PRDM16: variants seen among roughly 807,000 people sequenced by gnomAD.
The protein encoded by PRDM16 is PR/SET domain 16.
In PRDM16, 23 loss-of-function variants were observed where a neutral mutation model predicts 110.6. That is an observed-to-expected ratio of 0.21 (90% CI 0.15 to 0.29). The LOEUF (loss-of-function observed/expected upper bound fraction) is 0.29. Ranked by LOEUF, PRDM16 falls within the 10% of genes least tolerant of loss-of-function variation. PRDM16 has a pLI of 1.00. For synonymous variants in PRDM16, 799 were observed against 781.8 expected (o/e 1.02, Z -0.37); for missense variants, 1,615 against 1,794.3 (o/e 0.90, Z 1.81).
At chr1:3,367,219 A>C (rs914610916) in intron 3 of PRDM16, among the ~76,000 whole-genome samples, 1 of 152,104 alleles carries the variant, frequency 6.6e-6, no homozygotes, top group African/African-American at 2.4e-5. Flanking sequence ...CAGCGAGCCG[A>C]GATGGCACCA....
At chr1:3,180,982 GCAGTCTTACACA>G in intron 1 of PRDM16, among the ~76,000 whole-genome samples, 1 of 142,008 alleles carries the variant, frequency 7.0e-6, no homozygotes, top group Non-Finnish European at 1.6e-5. Context: ...TCTTACACAC[GCAGTCTTACACA>G]CGATCTTACA....
chr1:3,427,711 TCATC>T (rs1459878900), intron 14 of PRDM16, among the ~76,000 whole-genome samples: 5 of 152,098 alleles, frequency 3.3e-5, no homozygotes, highest in Non-Finnish European at 5.9e-5. Flanking sequence ...CTCAGCATCT[TCATC>T]CATCAGAGCC....
At chr1:3,222,833 A>G (rs1368218885) in intron 2 of PRDM16, among the ~76,000 whole-genome samples, 2 of 152,168 alleles carry the variant, frequency 1.3e-5, no homozygotes, top group Non-Finnish European at 2.9e-5. Flanking sequence ...GTGGTTTCCA[A>G]AGCTGAAGCC....
chr1:3,232,265 C>T (rs1024177992), intron 2 of PRDM16, among the ~76,000 whole-genome samples: 10 of 152,290 alleles, frequency 6.6e-5, no homozygotes, highest in South Asian at 6.2e-4. Flanking sequence ...CGGATAATGC[C>T]GGGTGGAGCT....
At chr1:3,374,441 A>G (rs1642958248) in intron 3 of PRDM16, among the ~76,000 whole-genome samples, 1 of 152,172 alleles carries the variant, frequency 6.6e-6, no homozygotes, top group Non-Finnish European at 1.5e-5. Context: ...TACTCCCAAC[A>G]CGTATGGCAG....
At chr1:3,219,988 G>C (rs1343671312) in intron 2 of PRDM16, among the ~76,000 whole-genome samples, 1 of 152,150 alleles carries the variant, frequency 6.6e-6, no homozygotes, top group South Asian at 2.1e-4. Flanking sequence ...GATGTTTGGC[G>C]CTGAGGTAAT....
In PRDM16 at chr1:3,425,551, T is replaced by C; in HGVS notation, c.2940-30T>C. On this transcript the variant is annotated intron_variant, in intron 12 of 16. Transcript: ENST00000270722. The surrounding 1 kb of genome is among the most constrained non-coding windows in gnomAD (Gnocchi z 6.9). The stretch of plus-strand genomic sequence containing the variant: ...CGGCCTGCCATGCAGAGCCGGGGCC[T>C]GCACTGAGGAGCGCGTGTGCCCCTT... The C allele has an allele frequency of 1.2e-6, 2 of 1,609,368 alleles. No individual in the cohort carries two copies. Among genetic ancestry groups the C allele is most frequent in the Non-Finnish European group, 1.7e-6 (2 of 1,177,400 alleles).
At chr1:3,164,850 C>T (rs1643932983) in intron 1 of PRDM16, among the ~76,000 whole-genome samples, 1 of 152,218 alleles carries the variant, frequency 6.6e-6, no homozygotes, top group South Asian at 2.1e-4. Context: ...CCGTTCTCTG[C>T]TGGCCCCAGC....
chr1:3,330,838 G>A (rs75698259), intron 3 of PRDM16, among the ~76,000 whole-genome samples: 2 of 152,212 alleles, frequency 1.3e-5, no homozygotes, highest in Middle Eastern at 3.2e-3. Context: ...ATACAGGCCC[G>A]AGCTGCCCTC....
chr1:3,299,135 G>A (rs1363802316), intron 3 of PRDM16, among the ~76,000 whole-genome samples: 1 of 151,784 alleles, frequency 6.6e-6, no homozygotes, highest in Non-Finnish European at 1.5e-5. Flanking sequence ...TCCGATCCCA[G>A]TCGTGGTGGC....
chr1:3,105,593 A>G (rs192645914), intron 1 of PRDM16, among the ~76,000 whole-genome samples: 1 of 152,344 alleles, frequency 6.6e-6, no homozygotes, highest in Non-Finnish European at 1.5e-5. Context: ...CGCTGTCCCC[A>G]ATCCCTTCCT....
intron 3 of PRDM16, among the ~76,000 whole-genome samples, chr1:3,342,505 G>A (rs1036298158): frequency 6.6e-6 from 1 of 152,186 alleles, no homozygotes; most frequent in Non-Finnish European, 1.5e-5. Flanking sequence ...TGGCCTCAGA[G>A]CCCCCATGCC....
rs1000226580 is a variant in PRDM16 at position 3,384,770 on chromosome 1, A to G, written c.439-382A>G. Reference sequence around the variant, plus strand: ...ACGCTTTTCTCTAGCGCAGCGTCCCAGCTCCTTAGCAGAGGGCTCTGCTCC... The same window carrying G: ...ACGCTTTTCTCTAGCGCAGCGTCCCGGCTCCTTAGCAGAGGGCTCTGCTCC... On this transcript the variant is annotated intron_variant, in intron 3 of 16. Transcript: ENST00000270722. 1.2e-4 allele frequency among the ~76,000 whole-genome samples: 18 copies of G among 152,306 alleles called. 1 individual carries two copies. The highest frequency in any genetic ancestry group is 1.0e-3 in the Admixed American group (16 of 15,306).
intron 3 of PRDM16, among the ~76,000 whole-genome samples, chr1:3,296,038 C>T (rs1032234831): frequency 6.6e-6 from 1 of 152,216 alleles, no homozygotes; most frequent in African/African-American, 2.4e-5. Context: ...CACTCCCATC[C>T]TAAGCTGGGG....
chr1:3,182,683 G>A lies in PRDM16; in HGVS notation c.38-3442G>A, dbSNP rs370737959. Among the ~76,000 whole-genome samples the A allele has an allele frequency of 4.2e-3, 640 of 152,292 alleles. 6 individuals carry two copies. Among genetic ancestry groups the A allele is most frequent in the African/African-American group, 0.015 (623 of 41,570 alleles). On this transcript the variant is annotated intron_variant, in intron 1 of 16. Coordinates refer to ENST00000270722, the MANE Select transcript of PRDM16 (RefSeq NM_022114.4). ...CCCAGCCAGCTCGGTCTCTGTCCCAGCCCGGGGCAGCAGCAGGGTTTCTTC... is the reference window on the plus strand; with the variant it reads ...CCCAGCCAGCTCGGTCTCTGTCCCAACCCGGGGCAGCAGCAGGGTTTCTTC...
At chr1:3,138,129 C>A (rs1442900639) in intron 1 of PRDM16, among the ~76,000 whole-genome samples, 1 of 152,200 alleles carries the variant, frequency 6.6e-6, no homozygotes, top group Non-Finnish European at 1.5e-5. Context: ...GCAGGGGGAC[C>A]CCAGCCCTCT....
At chr1:3,282,085 C>T (rs971565062) in intron 3 of PRDM16, among the ~76,000 whole-genome samples, 1 of 152,232 alleles carries the variant, frequency 6.6e-6, no homozygotes, top group African/African-American at 2.4e-5. Flanking sequence ...AGGTATGGGA[C>T]GCCAGCTCTC....
chr1:3,352,254 C>T lies in PRDM16; in HGVS notation c.439-32898C>T, dbSNP rs138121894. Among the ~76,000 whole-genome samples the T allele has an allele frequency of 7.9e-3, 1,197 of 152,266 alleles. 19 individuals carry two copies. The highest frequency in any genetic ancestry group is 0.027 in the African/African-American group (1,129 of 41,536). ...TGCTCCCCTCCACCCAGCCGTGCTG[C>T]CCCCACCTGCGGACTGATTCAATTC... On this transcript the variant is annotated intron_variant, in intron 3 of 16. Transcript: ENST00000270722.
chr1:3,074,025 C>A (rs1641832320), intron 1 of PRDM16, among the ~76,000 whole-genome samples: 1 of 152,170 alleles, frequency 6.6e-6, no homozygotes, highest in Admixed American at 6.5e-5. Flanking sequence ...TAAGTAGGGG[C>A]TGTAGGGGGA....
Sources: allele counts gnomAD v4.1 joint callset (sites outside exome capture counted in the v4.1 genomes callset), GRCh38; gene constraint gnomAD v4.1.1; non-coding constraint Gnocchi (gnomAD v3.1); transcripts MANE v1.5; gene names NCBI Gene and HGNC (gene_info 2026-07-23, HGNC 2026-07-21).